OTULIN: variants seen among roughly 807,000 people sequenced by gnomAD.
OTULIN encodes the protein OTU deubiquitinase with linear linkage specificity.
A neutral mutation model predicts 39.6 loss-of-function variants in OTULIN; 15 were observed. That is an observed-to-expected ratio of 0.38 (90% CI 0.25 to 0.58). The LOEUF is 0.58. Among genes scored for constraint, OTULIN ranks in the 20% least tolerant of loss-of-function variants. The probability of loss-of-function intolerance (pLI) is 0.66; values close to 1 mark genes in which losing one functional copy is unlikely to be tolerated. For missense variants in OTULIN, 319 were observed against 445.9 expected, an observed-to-expected ratio of 0.72 and a Z score of 2.56; for synonymous variants, 156 against 170.3, an observed-to-expected ratio of 0.92 and a Z score of 0.65.
chr5:14,703,822 A>C (rs1236643077), downstream of OTULIN, among the ~76,000 whole-genome samples: 2 of 152,320 alleles, frequency 1.3e-5, no homozygotes, highest in Non-Finnish European at 2.9e-5. Flanking sequence ...TGTTAGAGGT[A>C]GTAAGAGAGA....
chr5:14,677,567 A>G (rs945880411), intron 2 of OTULIN, among the ~76,000 whole-genome samples: 12 of 152,240 alleles, frequency 7.9e-5, no homozygotes, highest in Non-Finnish European at 1.6e-4. Flanking sequence ...ACATACCACA[A>G]AATCAAACCC....
chr5:14,711,099 CAAAA>C, the OTULIN span: 24 of 1,135,412 alleles, frequency 2.1e-5, no homozygotes, highest in Middle Eastern at 1.9e-4. Flanking sequence ...CAAAACAAAA[CAAAA>C]AAAAGGGAAC....
Position 14,695,469 on chromosome 5 carries a change from T to G in OTULIN, c.*2421T>G, listed in dbSNP as rs1736641416. On this transcript the variant is annotated 3_prime_UTR_variant, in exon 7 of 7. Coordinates refer to ENST00000284274, the MANE Select transcript of OTULIN (RefSeq NM_138348.6). Reference sequence around the variant, plus strand: ...GAAAGGAATGTAGTAGGAACTATACTATGCCTAACTTTCTATCCCAGAGTG... The same window carrying G: ...GAAAGGAATGTAGTAGGAACTATACGATGCCTAACTTTCTATCCCAGAGTG... 6.6e-6 allele frequency: 1 copy of G among 152,230 alleles called. No individual in the cohort carries two copies. Among genetic ancestry groups the G allele is most frequent in the Non-Finnish European group, 1.5e-5 (1 of 68,036 alleles). The allele number at this position is 152,230 out of a possible 1,614,324, so 9.4% of individuals were successfully genotyped here. A position where few individuals can be genotyped will look rare whatever the true frequency, so the allele number is the denominator to read the frequency against.
Position 14,664,883 on chromosome 5 carries a change from A to C in OTULIN, c.58A>C (p.Thr20Pro). The C allele has an allele frequency of 3.4e-6, 4 of 1,190,932 alleles. No individual in the cohort carries two copies. The highest frequency in any genetic ancestry group is 4.2e-6 in the Non-Finnish European group (4 of 962,416). 73.8% of individuals were successfully genotyped at this position (1,190,932 alleles called of 1,614,324 possible). The change falls in exon 1 of 7, where the codon ACG becomes CCG. Residue 20 changes from threonine to proline, a missense_variant. Thr to Pro is a conservative substitution (Grantham distance 38). Transcript: ENST00000284274. ...EAWPGASCAETPAREAAATAR... is the reference protein window; with the variant it reads ...EAWPGASCAEPPAREAAATAR... ...GTGGCCAGGCGCGAGCTGCGCCGAG[A>C]CGCCGGCGCGGGAGGCGGCGGCCAC...
At chr5:14,687,323 T>C (rs1385656157) in intron 4 of OTULIN, among the ~76,000 whole-genome samples, 198 bp from the exon 5 acceptor site, 3 of 152,200 alleles carry the variant, frequency 2.0e-5, no homozygotes, top group Non-Finnish European at 4.4e-5. Flanking sequence ...CCAGCAGCCC[T>C]CCTCAGGGTG....
At chr5:14,669,798 C>T (rs748172371) in intron 1 of OTULIN, among the ~76,000 whole-genome samples, 6 of 152,090 alleles carry the variant, frequency 3.9e-5, no homozygotes, top group East Asian at 1.9e-4. Flanking sequence ...TTTTTTAAAT[C>T]GGCTTAATTA....
At chr5:14,700,012 C>T (rs766203459), downstream of OTULIN, among the ~76,000 whole-genome samples, 4 of 152,240 alleles carry the variant, frequency 2.6e-5, no homozygotes, top group Non-Finnish European at 5.9e-5. Flanking sequence ...TCTTACAACA[C>T]TGGCTTTATC....
downstream of OTULIN, among the ~76,000 whole-genome samples, chr5:14,701,449 C>T (rs1736794898): frequency 6.6e-6 from 1 of 152,150 alleles, no homozygotes; most frequent in Non-Finnish European, 1.5e-5. Context: ...CAGCCAGCCC[C>T]AATGCCCTTC....
downstream of OTULIN, among the ~76,000 whole-genome samples, chr5:14,700,671 C>T (rs1736778823): frequency 6.6e-6 from 1 of 151,422 alleles, no homozygotes; most frequent in Non-Finnish European, 1.5e-5. Flanking sequence ...CCTCCCCAGC[C>T]CTCCCCTCTG....
intron 1 of OTULIN, among the ~76,000 whole-genome samples, chr5:14,668,589 A>T (rs779423792): frequency 6.6e-6 from 1 of 152,144 alleles, no homozygotes; most frequent in Non-Finnish European, 1.5e-5. Flanking sequence ...CTTAGTGTTG[A>T]CATTAGTCTC....
chr5:14,693,279 A>G lies in OTULIN; in HGVS notation c.*231A>G. ...ATTTCAGTGGGGGCCTTCAGAGCACACCTGTTGGACGGTGCAAACCATATC... is the reference window on the plus strand; with the variant it reads ...ATTTCAGTGGGGGCCTTCAGAGCACGCCTGTTGGACGGTGCAAACCATATC... On this transcript the variant is annotated 3_prime_UTR_variant, in exon 7 of 7. Transcript: ENST00000284274. The G allele has an allele frequency of 2.1e-6, 1 of 465,870 alleles. No homozygotes were observed. The highest frequency in any genetic ancestry group is 3.8e-6 in the Non-Finnish European group (1 of 261,364). 28.9% of individuals were successfully genotyped at this position (465,870 alleles called of 1,614,324 possible).
chr5:14,713,533 T>C, the OTULIN span: 1 of 1,613,982 alleles, frequency 6.2e-7, no homozygotes, highest in Non-Finnish European at 8.5e-7. This position sits in a 1 kb window ranked among gnomAD's most constrained non-coding sequence, Gnocchi z 4.4. Flanking sequence ...CCAAACTCCC[T>C]GACAACATAC....
chr5:14,699,050 T>A lies in OTULIN; in HGVS notation c.*6002T>A, dbSNP rs935666641. 19 of 152,144 alleles carry A rather than the reference T, an allele frequency of 1.2e-4. No homozygotes were observed. Among genetic ancestry groups the A allele is most frequent in the African/African-American group, 4.1e-4 (17 of 41,416 alleles). The allele number at this position is 152,144 out of a possible 1,614,324, so 9.4% of individuals were successfully genotyped here. On this transcript the variant is annotated 3_prime_UTR_variant, in exon 7 of 7. Transcript: ENST00000284274. ...GCTAGCACTTATTAGGGGAAGATCC[T>A]CCAGACCTGCAAAGCAGGGCTGCAG...
intron 4 of OTULIN, among the ~76,000 whole-genome samples, chr5:14,683,590 T>G (rs1171396382): frequency 6.6e-6 from 1 of 152,018 alleles, no homozygotes; most frequent in African/African-American, 2.4e-5. Flanking sequence ...TTTGGTGGTG[T>G]ATACCTATGT....
At chr5:14,704,456 C>T (rs931067930), downstream of OTULIN, among the ~76,000 whole-genome samples, 2 of 151,854 alleles carry the variant, frequency 1.3e-5, no homozygotes, top group African/African-American at 4.8e-5. Context: ...TCAGGCTCAC[C>T]AAACACTTGC....
chr5:14,712,053 A>C, the OTULIN span, among the ~76,000 whole-genome samples: 3 of 152,168 alleles, frequency 2.0e-5, no homozygotes, highest in Non-Finnish European at 2.9e-5. Flanking sequence ...ATGCTCAGTA[A>C]TGACCATCAT....
downstream of OTULIN, among the ~76,000 whole-genome samples, chr5:14,702,503 T>C (rs964429346): frequency 3.9e-5 from 6 of 152,216 alleles, no homozygotes; most frequent in Non-Finnish European, 7.3e-5. Flanking sequence ...TGTATACTTT[T>C]CTGAAGAGCA....
downstream of OTULIN, among the ~76,000 whole-genome samples, chr5:14,702,184 G>A (rs867659695): frequency 1.3e-5 from 2 of 152,202 alleles, no homozygotes; most frequent in African/African-American, 2.4e-5. Flanking sequence ...GTGGGACATG[G>A]AGTGGGTTTC....
At chr5:14,676,276 T>C (rs565176318) in intron 2 of OTULIN, among the ~76,000 whole-genome samples, 26 of 152,370 alleles carry the variant, frequency 1.7e-4, no homozygotes, top group African/African-American at 5.8e-4. Flanking sequence ...CCATTAGAAA[T>C]GTCCTTTTTT....
Sources: gnomAD v4.1 joint callset for allele counts (sites outside exome capture counted in the v4.1 genomes callset) on GRCh38, gnomAD v4.1.1 for gene constraint, Gnocchi (gnomAD v3.1) non-coding constraint, MANE v1.5 for transcripts, NCBI Gene and HGNC (gene_info 2026-07-23, HGNC 2026-07-21) for gene names.